The following NCK2 variants were observed in gnomAD, a reference collection of about 807,000 sequenced individuals.
NCK2 encodes NCK adaptor protein 2.
In NCK2, 16 loss-of-function variants were observed where a neutral mutation model predicts 33.9. That is an observed-to-expected ratio of 0.47 (90% CI 0.32 to 0.72). NCK2 has a LOEUF of 0.72. Among genes scored for constraint, NCK2 ranks in the 30% least tolerant of loss-of-function variants. The probability of loss-of-function intolerance (pLI) is 0.03; values close to 1 mark genes in which losing one functional copy is unlikely to be tolerated. For synonymous variants in NCK2, 273 were observed against 239.9 expected (o/e 1.14, Z -1.27); for missense variants, 418 against 537.3 (o/e 0.78, Z 2.19).
At chr2:105,779,232 G>A (rs1690407176) in intron 1 of NCK2, among the ~76,000 whole-genome samples, 1 of 151,440 alleles carries the variant, frequency 6.6e-6, no homozygotes, top group African/African-American at 2.4e-5. Context: ...GCTAGAAACT[G>A]GGAGACAGAG....
At position 105,813,839 on chromosome 2, in the gene NCK2, T is replaced by C. The variant is rs1024555994; in HGVS notation, c.-200-2591T>C. 2.0e-5 allele frequency among the ~76,000 whole-genome samples: 3 copies of C among 152,212 alleles called. No individual in the cohort carries two copies. The East Asian group carries it at 5.8e-4, about 29-fold the overall frequency. On this transcript the variant is annotated intron_variant, in intron 1 of 4. Transcript: ENST00000233154. The stretch of plus-strand genomic sequence containing the variant: ...AATTTTGTAGTATTAAGGATCCACA[T>C]TAAAATGAAGAGATACGTACGGTAT...
rs141096214 is a variant in NCK2, at chr2:105,759,141, T to G, written c.-201+14003T>G. Among the ~76,000 whole-genome samples the G allele has an allele frequency of 2.0e-4, 30 of 152,358 alleles. No individual in the cohort carries two copies. In the East Asian group the frequency reaches 5.6e-3, roughly 28 times the overall value. On this transcript the variant is annotated intron_variant, in intron 1 of 4. Coordinates refer to ENST00000233154, the MANE Select transcript of NCK2 (RefSeq NM_003581.5). ...AAATTTTAAAGGTTGATCGAATACCTAGATTCCTGGTTCTTGGGCCTTCAG... is the reference window on the plus strand; with the variant it reads ...AAATTTTAAAGGTTGATCGAATACCGAGATTCCTGGTTCTTGGGCCTTCAG...
intron 1 of NCK2, among the ~76,000 whole-genome samples, chr2:105,803,946 C>T (rs1367406): frequency 0.92 from 139,884 of 152,298 alleles, 64,298 homozygotes; most frequent in East Asian, 1. Flanking sequence ...CTGAGGATAC[C>T]ATGTGCCTTG....
At chr2:105,837,220 A>G (rs1016597329) in intron 2 of NCK2, among the ~76,000 whole-genome samples, 8 of 151,964 alleles carry the variant, frequency 5.3e-5, no homozygotes, top group Admixed American at 2.6e-4. Flanking sequence ...GGATGAGGTG[A>G]TTGCTGGGTG....
chr2:105,776,359 G>A (rs1558831618), intron 1 of NCK2, among the ~76,000 whole-genome samples: 2 of 152,336 alleles, frequency 1.3e-5, no homozygotes, highest in East Asian at 1.9e-4. Context: ...GCCAAAGCAC[G>A]TTTGGGGGAG....
chr2:105,851,265 C>CT (rs775114112), intron 2 of NCK2, among the ~76,000 whole-genome samples: 7,359 of 144,238 alleles, frequency 0.051, 224 homozygotes, highest in African/African-American at 0.088. Flanking sequence ...CAGAGCTGAG[C>CT]TTTTTTTTTT....
At chr2:105,780,059 C>T (rs1376807148) in intron 1 of NCK2, among the ~76,000 whole-genome samples, 1 of 152,062 alleles carries the variant, frequency 6.6e-6, no homozygotes, top group Non-Finnish European at 1.5e-5. Flanking sequence ...CCAGTTTTGC[C>T]TTTACCTTAT....
In NCK2 at chr2:105,893,999, G is replaced by GCGCACACA. The variant is rs140853322; in HGVS notation, c.*824_*825insGCACACAC. On this transcript the variant is annotated 3_prime_UTR_variant, in exon 5 of 5. Coordinates refer to ENST00000233154, the MANE Select transcript of NCK2 (RefSeq NM_003581.5). The stretch of plus-strand genomic sequence containing the variant: ...CAACACTTTATACACACACACACGT[G>GCGCACACA]CACACACACACACACACACACTATA... 5 of 149,480 alleles carry GCGCACACA rather than the reference G, an allele frequency of 3.3e-5. No individual in the cohort carries two copies. The highest frequency in any genetic ancestry group is 7.4e-5 in the Non-Finnish European group (5 of 67,240). The allele number at this position is 149,480 out of a possible 1,614,324, so 9.3% of individuals were successfully genotyped here.
chr2:105,765,159 A>T (rs1689898783), intron 1 of NCK2, among the ~76,000 whole-genome samples: 1 of 152,140 alleles, frequency 6.6e-6, no homozygotes, highest in Non-Finnish European at 1.5e-5. Flanking sequence ...TGGAAGTATC[A>T]ATTTCACCCA....
At chr2:105,756,062 A>G (rs1234647815) in intron 1 of NCK2, among the ~76,000 whole-genome samples, 1 of 152,250 alleles carries the variant, frequency 6.6e-6, no homozygotes, top group Non-Finnish European at 1.5e-5. Flanking sequence ...CTGGCCTAGC[A>G]TATGACGTTG....
intron 1 of NCK2, among the ~76,000 whole-genome samples, chr2:105,750,037 AACACACACAC>A (rs72315025): frequency 2.1e-5 from 3 of 144,552 alleles, no homozygotes; most frequent in Admixed American, 6.9e-5. Context: ...AAAGCAAACA[AACACACACAC>A]ACACACACAC....
intron 1 of NCK2, among the ~76,000 whole-genome samples, chr2:105,760,091 C>A (rs149015278): frequency 6.6e-6 from 1 of 152,282 alleles, no homozygotes; most frequent in African/African-American, 2.4e-5. Context: ...GGAAGGAGGT[C>A]ATTTAAGGAA....
At chr2:105,836,266 A>G (rs986417037) in intron 2 of NCK2, among the ~76,000 whole-genome samples, 1 of 151,656 alleles carries the variant, frequency 6.6e-6, no homozygotes, top group African/African-American at 2.4e-5. Flanking sequence ...AGTATCTTTC[A>G]TAGGGAACAG....
rs550754637 is a variant in NCK2, at chr2:105,804,853, G to A, written c.-200-11577G>A. On this transcript the variant is annotated intron_variant, in intron 1 of 4. Transcript: ENST00000233154. Reference sequence around the variant, plus strand: ...TGGCCTAGAGGCACAGTGGTGTTAGGGATTCAGTGTGTCTTAGATTGCAAA... The same window carrying A: ...TGGCCTAGAGGCACAGTGGTGTTAGAGATTCAGTGTGTCTTAGATTGCAAA... Among the ~76,000 whole-genome samples, 135 of 152,294 alleles carry A rather than the reference G, an allele frequency of 8.9e-4. 1 individual carries two copies. The highest frequency in any genetic ancestry group is 3.2e-3 in the African/African-American group (132 of 41,552).
chr2:105,783,415 G>A (rs1232090768), intron 1 of NCK2, among the ~76,000 whole-genome samples: 3 of 152,108 alleles, frequency 2.0e-5, no homozygotes, highest in East Asian at 1.9e-4. Context: ...GTGAAGGCCC[G>A]CGTGGAACAT....
chr2:105,850,049 C>G (rs1677003726), intron 2 of NCK2, among the ~76,000 whole-genome samples: 1 of 152,148 alleles, frequency 6.6e-6, no homozygotes. Context: ...GTATTCATGT[C>G]TCTCCTGAGC....
intron 2 of NCK2, among the ~76,000 whole-genome samples, chr2:105,817,922 T>C (rs1675558430): frequency 6.6e-6 from 1 of 152,104 alleles, no homozygotes; most frequent in African/African-American, 2.4e-5. Context: ...AGCCATCCCA[T>C]TACTGGGTAT....
chr2:105,819,133 T>G (rs567287722), intron 2 of NCK2, among the ~76,000 whole-genome samples: 2 of 152,132 alleles, frequency 1.3e-5, no homozygotes, highest in Non-Finnish European at 2.9e-5. Flanking sequence ...GCACTCACAC[T>G]GCATACCTGA....
intron 1 of NCK2, among the ~76,000 whole-genome samples, chr2:105,752,223 T>A (rs898597719): frequency 2.0e-5 from 3 of 152,174 alleles, no homozygotes; most frequent in Admixed American, 2.0e-4. Context: ...TTTCCAAAGT[T>A]GAGATAGCTA....
Sources: allele counts gnomAD v4.1 joint callset (sites outside exome capture counted in the v4.1 genomes callset), GRCh38; gene constraint gnomAD v4.1.1; transcripts MANE v1.5; gene names NCBI Gene and HGNC (gene_info 2026-07-23, HGNC 2026-07-21).